Variants in CCDC30 observed in about 807,000 individuals in gnomAD.
CCDC30 encodes the protein coiled-coil domain-containing protein 30.
Under a neutral mutation model 100.2 loss-of-function variants are expected in CCDC30, and 70 were observed. The observed-to-expected ratio is 0.70, with a 90% CI of 0.58 to 0.85. CCDC30 has a LOEUF of 0.85. Ranked by LOEUF, CCDC30 falls within the 40% of genes least tolerant of loss-of-function variation. CCDC30 has a pLI of 0.00. For missense variants in CCDC30, 652 were observed against 771.2 expected (o/e 0.85, Z 1.83); for synonymous variants, 233 against 269.5 (o/e 0.86, Z 1.33).
chr1:42,563,266 T>C (rs896584678), intron 6 of CCDC30, among the ~76,000 whole-genome samples: 4 of 152,118 alleles, frequency 2.6e-5, no homozygotes, highest in African/African-American at 4.8e-5. Context: ...ATGGAATACT[T>C]TGCAGCCATA....
At chr1:42,543,912 T>C (rs1341373424) in intron 6 of CCDC30, among the ~76,000 whole-genome samples, 1 of 152,232 alleles carries the variant, frequency 6.6e-6, no homozygotes, top group African/African-American at 2.4e-5. Flanking sequence ...TATAATTAAG[T>C]CCATTGTGTT....
chr1:42,629,268 T>TC, intron 11 of CCDC30, among the ~76,000 whole-genome samples: 1 of 152,236 alleles, frequency 6.6e-6, no homozygotes, highest in East Asian at 1.9e-4. Flanking sequence ...TATTTCCCCT[T>TC]CATGCTTGAA....
intron 9 of CCDC30, among the ~76,000 whole-genome samples, chr1:42,588,107 T>C (rs1437657290): frequency 6.6e-6 from 1 of 152,222 alleles, no homozygotes; most frequent in Non-Finnish European, 1.5e-5. Context: ...TTCTGTATGC[T>C]ACGATCTGGT....
intron 13 of CCDC30, among the ~76,000 whole-genome samples, chr1:42,644,450 G>A (rs571174438): frequency 4.1e-4 from 62 of 152,176 alleles, no homozygotes; most frequent in African/African-American, 1.4e-3. Context: ...AATCTCCTTT[G>A]GCAACACCCT....
intron 6 of CCDC30, among the ~76,000 whole-genome samples, chr1:42,555,176 C>A (rs1459697661): frequency 6.6e-6 from 1 of 152,192 alleles, no homozygotes; most frequent in Non-Finnish European, 1.5e-5. Context: ...GGTTTCCCTG[C>A]CACATGGCAT....
At chr1:42,646,732 C>T (rs1647914875) in intron 15 of CCDC30, among the ~76,000 whole-genome samples, 3 of 152,194 alleles carry the variant, frequency 2.0e-5, no homozygotes, top group Admixed American at 2.0e-4. Context: ...ACAGGCAGTG[C>T]TCTCACCATT....
intron 13 of CCDC30, among the ~76,000 whole-genome samples, chr1:42,643,307 C>T (rs1647612971): frequency 6.6e-6 from 1 of 152,200 alleles, no homozygotes. Context: ...TCAGCCCAGT[C>T]AGTGACAGAG....
At chr1:42,648,461 G>C (rs1045583708) in intron 15 of CCDC30, among the ~76,000 whole-genome samples, 2 of 152,108 alleles carry the variant, frequency 1.3e-5, no homozygotes, top group Admixed American at 6.5e-5. Context: ...ACAAGGTCAG[G>C]AGATTGAGAC....
chr1:42,457,950 C>T, the CCDC30 span, among the ~76,000 whole-genome samples: 4 of 129,546 alleles, frequency 3.1e-5, no homozygotes, highest in Non-Finnish European at 5.0e-5. Flanking sequence ...AGCGATACTC[C>T]GTCGCAAAAA....
intron 6 of CCDC30, among the ~76,000 whole-genome samples, chr1:42,545,186 A>AAAAAT (rs760685126): frequency 0.023 from 2,870 of 125,990 alleles, 115 homozygotes; most frequent in Non-Finnish European, 0.039. Flanking sequence ...AAAAAAAAAA[A>AAAAAT]AAGGGAATTT....
At chr1:42,578,512 T>C (rs1404555925) in intron 8 of CCDC30, among the ~76,000 whole-genome samples, 1 of 152,226 alleles carries the variant, frequency 6.6e-6, no homozygotes. Context: ...TAGGTTACTT[T>C]ACCATATGGA....
At chr1:42,601,987 A>T (rs1646412790) in intron 10 of CCDC30, among the ~76,000 whole-genome samples, 1 of 152,192 alleles carries the variant, frequency 6.6e-6, no homozygotes, top group Non-Finnish European at 1.5e-5. Context: ...TATATTGAAA[A>T]TTTTTTAAAT....
At chr1:42,607,555 T>TAAA (rs60204912) in intron 10 of CCDC30, among the ~76,000 whole-genome samples, 1 of 89,766 alleles carries the variant, frequency 1.1e-5, no homozygotes, top group African/African-American at 3.8e-5. Flanking sequence ...CTTGTCTCTA[T>TAAA]AAAAAAAAAA....
At chr1:42,457,786 C>G in the CCDC30 span, among the ~76,000 whole-genome samples, 12 of 151,972 alleles carry the variant, frequency 7.9e-5, no homozygotes, top group East Asian at 2.3e-3. Flanking sequence ...AACCCCGTCT[C>G]TACTAAAAAA....
chr1:42,656,053 C>A (rs1035539046), downstream of CCDC30, among the ~76,000 whole-genome samples: 95 of 151,626 alleles, frequency 6.3e-4, no homozygotes, highest in African/African-American at 2.2e-3. Context: ...TTTGTAAAGA[C>A]GAGGTCTCAC....
intron 8 of CCDC30, among the ~76,000 whole-genome samples, chr1:42,577,589 GACAA>G (rs1557868719): frequency 6.6e-6 from 1 of 151,890 alleles, no homozygotes; most frequent in South Asian, 2.1e-4. Context: ...TTTTTTCATT[GACAA>G]ACAATTGTAC....
intron 7 of CCDC30, among the ~76,000 whole-genome samples, chr1:42,571,902 C>T (rs1435213252): frequency 6.6e-6 from 1 of 152,174 alleles, no homozygotes; most frequent in Non-Finnish European, 1.5e-5. Context: ...TTTAACAGCA[C>T]ATTATTTCAG....
At chr1:42,615,443 G>A (rs60998858) in intron 11 of CCDC30, among the ~76,000 whole-genome samples, 12,325 of 151,904 alleles carry the variant, frequency 0.081, 578 homozygotes, top group South Asian at 0.15. Flanking sequence ...GATTACAGGC[G>A]CACGCCACTA....
At chr1:42,622,056 G>A (rs1924523) in intron 11 of CCDC30, among the ~76,000 whole-genome samples, 2 of 151,942 alleles carry the variant, frequency 1.3e-5, no homozygotes, top group Non-Finnish European at 2.9e-5. Context: ...ATAGTCATAC[G>A]CATTAACCAT....
Sources: allele counts gnomAD v4.1 joint callset (sites outside exome capture counted in the v4.1 genomes callset), GRCh38; gene constraint gnomAD v4.1.1; transcripts MANE v1.5; gene names NCBI Gene and HGNC (gene_info 2026-07-23, HGNC 2026-07-21).